DHRSX: variants seen among roughly 807,000 people sequenced by gnomAD.
DHRSX encodes polyprenol dehydrogenase.
A neutral mutation model predicts 34.0 loss-of-function variants in DHRSX; 31 were observed. The observed-to-expected ratio is 0.91, with a 90% CI of 0.69 to 1.23. The LOEUF is 1.23. DHRSX is among the 50% of genes most tolerant of loss of function. The pLI is 0.00. For synonymous variants in DHRSX, 201 were observed against 183.8 expected, an observed-to-expected ratio of 1.09 and a Z score of -0.76; for missense variants, 414 against 428.1, an observed-to-expected ratio of 0.97 and a Z score of 0.29.
At chrX:2,385,067 C>T (rs1257828410) in intron 3 of DHRSX, among the ~76,000 whole-genome samples, 2 of 151,596 alleles carry the variant, frequency 1.3e-5, no homozygotes, top group Non-Finnish European at 2.9e-5. Flanking sequence ...TGTGCCACTG[C>T]ACTCCAGCCT....
At chrX:2,370,844 A>C (rs1237701884) in intron 3 of DHRSX, among the ~76,000 whole-genome samples, 4 of 152,186 alleles carry the variant, frequency 2.6e-5, no homozygotes, top group Admixed American at 2.6e-4. Flanking sequence ...AGGATCAAGC[A>C]ACGCTTCCTT....
chrX:2,430,080 C>G (rs1029126579), intron 1 of DHRSX, among the ~76,000 whole-genome samples: 1 of 151,564 alleles, frequency 6.6e-6, no homozygotes, highest in Admixed American at 6.6e-5. Flanking sequence ...AAACCTATAT[C>G]AGGAAACCTA....
Position 2,472,055 on chromosome X carries a change from C to T in DHRSX, c.109+28762G>A, listed in dbSNP as rs2044601292. On this transcript the variant is annotated intron_variant, in intron 1 of 6. Coordinates refer to ENST00000334651, the MANE Select transcript of DHRSX (RefSeq NM_145177.3). Reference sequence around the variant, plus strand: ...AGTTACTCAGAAGGCTGAGGCAGGACAACTGCTTGAACCCGGGAGCTGGTG... The same window carrying T: ...AGTTACTCAGAAGGCTGAGGCAGGATAACTGCTTGAACCCGGGAGCTGGTG... Among the ~76,000 whole-genome samples, 5 of 149,996 alleles carry T rather than the reference C, an allele frequency of 3.3e-5. No individual in the cohort carries two copies. The Admixed American group carries it at 3.3e-4, about 10-fold the overall frequency.
intron 4 of DHRSX, among the ~76,000 whole-genome samples, chrX:2,272,095 A>C (rs1157440200): frequency 6.6e-6 from 1 of 152,136 alleles, no homozygotes; most frequent in Non-Finnish European, 1.5e-5. Context: ...CACAACTGCA[A>C]ACATACGGAA....
At chrX:2,424,010 G>A (rs1210925758) in intron 2 of DHRSX, among the ~76,000 whole-genome samples, 1 of 152,178 alleles carries the variant, frequency 6.6e-6, no homozygotes, top group East Asian at 1.9e-4. Flanking sequence ...AAGTCCTAAA[G>A]CCCAGGGCCT....
chrX:2,478,610 A>G (rs2044718216), intron 1 of DHRSX, among the ~76,000 whole-genome samples: 1 of 151,732 alleles, frequency 6.6e-6, no homozygotes, highest in Admixed American at 6.6e-5. Flanking sequence ...TTCCCTAAGC[A>G]TGTGGTTGAG....
rs184175924 is a variant in DHRSX at position 2,290,039 on chromosome X, A to G, written c.388+1463T>C. Among the ~76,000 whole-genome samples, 516 of 152,370 alleles carry G rather than the reference A, an allele frequency of 3.4e-3. 2 individuals are homozygous for G. Among genetic ancestry groups the G allele is most frequent in the African/African-American group, 0.012 (487 of 41,584 alleles). Reference sequence around the variant, plus strand: ...TGCACGTATTTTTATGCATAAATACATATACATCATACATCAAATACATAT... The same window carrying G: ...TGCACGTATTTTTATGCATAAATACGTATACATCATACATCAAATACATAT... On this transcript the variant is annotated intron_variant, in intron 4 of 6. Coordinates refer to ENST00000334651, the MANE Select transcript of DHRSX (RefSeq NM_145177.3).
chrX:2,446,850 T>C (rs1312070972), intron 1 of DHRSX, among the ~76,000 whole-genome samples: 1 of 151,652 alleles, frequency 6.6e-6, no homozygotes, highest in Non-Finnish European at 1.5e-5. Flanking sequence ...AGGAAGATGT[T>C]CCCAAAGAAT....
At chrX:2,490,443 CGGT>C in intron 1 of DHRSX, 4 of 1,613,936 alleles carry the variant, frequency 2.5e-6, no homozygotes, top group Non-Finnish European at 3.4e-6. Context: ...TTGGAGAAGG[CGGT>C]GGCGAAGGCT....
chrX:2,477,438 C>A (rs1268264293), intron 1 of DHRSX, among the ~76,000 whole-genome samples: 3 of 152,286 alleles, frequency 2.0e-5, no homozygotes, highest in African/African-American at 4.8e-5. Context: ...AAACCAGAAA[C>A]AAGAGACAGG....
intron 2 of DHRSX, among the ~76,000 whole-genome samples, chrX:2,415,731 C>T (rs1420663412): frequency 6.6e-6 from 1 of 150,876 alleles, no homozygotes; most frequent in Non-Finnish European, 1.5e-5. Context: ...ACAACCAACC[C>T]AAATAGACCT....
At chrX:2,393,414 A>C (rs1218221745) in intron 3 of DHRSX, among the ~76,000 whole-genome samples, 1 of 151,796 alleles carries the variant, frequency 6.6e-6, no homozygotes, top group Non-Finnish European at 1.5e-5. Flanking sequence ...TCTCCTGCGC[A>C]CACATGACAC....
intron 3 of DHRSX, among the ~76,000 whole-genome samples, chrX:2,357,097 A>C (rs2042864135): frequency 6.6e-6 from 1 of 152,134 alleles, no homozygotes; most frequent in Non-Finnish European, 1.5e-5. Flanking sequence ...TACAAAAATT[A>C]GCCAGGCATG....
At chrX:2,309,172 T>C (rs2042135252) in intron 3 of DHRSX, among the ~76,000 whole-genome samples, 1 of 152,062 alleles carries the variant, frequency 6.6e-6, no homozygotes, top group Non-Finnish European at 1.5e-5. Flanking sequence ...AGAAGAATAA[T>C]GAAAGAATGG....
intron 3 of DHRSX, among the ~76,000 whole-genome samples, chrX:2,302,567 G>A (rs1003564900): frequency 2.6e-5 from 4 of 152,000 alleles, no homozygotes; most frequent in African/African-American, 9.7e-5. Context: ...AGCTGAGATC[G>A]CACCACTGCA....
intron 3 of DHRSX, among the ~76,000 whole-genome samples, chrX:2,378,722 G>A (rs2873364): frequency 0.23 from 35,574 of 151,626 alleles, 5,414 homozygotes; most frequent in Non-Finnish European, 0.35. Flanking sequence ...CCAGGCTGGA[G>A]TGCAGTGGTG....
chrX:2,330,847 C>G (rs188323458), intron 3 of DHRSX, among the ~76,000 whole-genome samples: 12 of 152,194 alleles, frequency 7.9e-5, no homozygotes, highest in Admixed American at 2.0e-4. Flanking sequence ...AGAAAACCTA[C>G]TTGTGAAAGA....
intron 1 of DHRSX, among the ~76,000 whole-genome samples, chrX:2,491,066 G>GTTTTTTTTTTTTT (rs900738620): frequency 9.1e-6 from 1 of 110,246 alleles, no homozygotes; most frequent in African/African-American, 3.5e-5. Flanking sequence ...AGTGCCTTTA[G>GTTTTTTTTTTTTT]TTTTTTTTTT....
chrX:2,283,461 C>G (rs1223983877), intron 4 of DHRSX, among the ~76,000 whole-genome samples: 1 of 152,122 alleles, frequency 6.6e-6, no homozygotes, highest in Admixed American at 6.5e-5. Context: ...CGAATGCATG[C>G]GCCGCGATGC....
Sources: gnomAD v4.1 joint callset for allele counts (sites outside exome capture counted in the v4.1 genomes callset) on GRCh38, gnomAD v4.1.1 for gene constraint, MANE v1.5 for transcripts, NCBI Gene and HGNC (gene_info 2026-07-23, HGNC 2026-07-21) for gene names.